IMMP2L: variants seen among roughly 807,000 people sequenced by gnomAD.
IMMP2L encodes the protein inner mitochondrial membrane peptidase subunit 2.
Under a neutral mutation model 19.3 loss-of-function variants are expected in IMMP2L, and 18 were observed. That is an observed-to-expected ratio of 0.93 (90% confidence interval 0.64 to 1.38). The LOEUF is 1.38. Ranked by LOEUF, IMMP2L falls within the 40% of genes most tolerant of loss-of-function variation. The pLI is 0.00. For synonymous variants in IMMP2L, 76 were observed against 73.0 expected (o/e 1.04, Z -0.21); for missense variants, 233 against 218.2 (o/e 1.07, Z -0.43).
In IMMP2L at chr7:111,271,753, G is replaced by T. The variant is rs963438085; in HGVS notation, c.239+215485C>A. 8.5e-5 allele frequency among the ~76,000 whole-genome samples: 13 copies of T among 152,054 alleles called. No homozygotes were observed. In the East Asian group the frequency reaches 2.1e-3, roughly 25 times the overall value. The stretch of plus-strand genomic sequence containing the variant: ...GCTTATCTATCCAATTGACCATCTG[G>T]ATATCTTGGAGAGTCCCTAAGTACA... On this transcript the variant is annotated intron_variant, in intron 3 of 5. Coordinates refer to ENST00000405709, the MANE Select transcript of IMMP2L (RefSeq NM_032549.4).
intron 3 of IMMP2L, among the ~76,000 whole-genome samples, chr7:111,474,358 A>C (rs1323224639): frequency 6.6e-6 from 1 of 152,086 alleles, no homozygotes; most frequent in African/African-American, 2.4e-5. Context: ...AGTCCACAAT[A>C]TGATAAAGTG....
intron 3 of IMMP2L, among the ~76,000 whole-genome samples, chr7:111,346,403 A>C (rs540340851): frequency 5.8e-4 from 88 of 152,282 alleles, no homozygotes; most frequent in African/African-American, 1.9e-3. Context: ...TGTTAGATCC[A>C]GAATCTGTTA....
intron 3 of IMMP2L, among the ~76,000 whole-genome samples, chr7:110,974,887 G>C (rs1820529382): frequency 6.6e-6 from 1 of 152,062 alleles, no homozygotes; most frequent in African/African-American, 2.4e-5. Context: ...CTTGTTTTGT[G>C]TTATACGTAG....
At chr7:111,251,105 TC>T (rs1816059023) in intron 3 of IMMP2L, among the ~76,000 whole-genome samples, 2 of 152,052 alleles carry the variant, frequency 1.3e-5, no homozygotes, top group Non-Finnish European at 2.9e-5. Context: ...AACAGACACT[TC>T]TCAAAAGAAG....
rs562343148 is a variant in IMMP2L, at chr7:111,337,239, C to A, written c.239+149999G>T. Among the ~76,000 whole-genome samples the A allele has an allele frequency of 3.3e-5, 5 of 151,832 alleles. No individual in the cohort carries two copies. In the East Asian group the frequency reaches 9.6e-4, roughly 29 times the overall value. ...GCAGAGAATTATAAAAAGTAATACA[C>A]TAAATAGTTTATTTTAACTTAGAAA... is the stretch of plus-strand genomic sequence containing the variant. On this transcript the variant is annotated intron_variant, in intron 3 of 5. Coordinates refer to ENST00000405709, the MANE Select transcript of IMMP2L (RefSeq NM_032549.4).
intron 3 of IMMP2L, among the ~76,000 whole-genome samples, chr7:111,231,920 C>T (rs1290767676): frequency 6.6e-6 from 1 of 151,856 alleles, no homozygotes; most frequent in Non-Finnish European, 1.5e-5. Flanking sequence ...TTTCAGTGCA[C>T]TATCTAGGAA....
chr7:111,553,989 G>A (rs762865809), intron 1 of IMMP2L, among the ~76,000 whole-genome samples: 17 of 152,128 alleles, frequency 1.1e-4, no homozygotes, highest in Non-Finnish European at 1.8e-4. Context: ...GATGGCCTTA[G>A]AGAAGTCTCA....
chr7:111,020,339 G>A lies in IMMP2L; in HGVS notation c.240-56774C>T, dbSNP rs533665294. On this transcript the variant is annotated intron_variant, in intron 3 of 5. Coordinates refer to ENST00000405709, the MANE Select transcript of IMMP2L (RefSeq NM_032549.4). The stretch of plus-strand genomic sequence containing the variant: ...GCGAAGGTTGCAGTGAGCTGAGATC[G>A]CACCATGGCACTCCAGCCTGAGTGA... 7.2e-5 allele frequency among the ~76,000 whole-genome samples: 11 copies of A among 152,178 alleles called. No individual in the cohort carries two copies. In the South Asian group the frequency reaches 2.3e-3, roughly 32 times the overall value.
At chr7:111,522,046 C>A (rs540588907) in intron 1 of IMMP2L, among the ~76,000 whole-genome samples, 165 of 152,096 alleles carry the variant, frequency 1.1e-3, no homozygotes, top group African/African-American at 3.8e-3. Flanking sequence ...GAGATAAAAG[C>A]TTCAAGTAAA....
chr7:111,550,290 AG>A (rs1849329118), intron 1 of IMMP2L, among the ~76,000 whole-genome samples: 1 of 152,170 alleles, frequency 6.6e-6, no homozygotes, highest in African/African-American at 2.4e-5. Flanking sequence ...AGAAGTTACC[AG>A]GGGTTAGGAG....
intron 5 of IMMP2L, among the ~76,000 whole-genome samples, chr7:110,775,865 C>T (rs1481392534): frequency 6.6e-6 from 1 of 151,662 alleles, no homozygotes; most frequent in Non-Finnish European, 1.5e-5. Context: ...GTTAGTATTC[C>T]ATGCCCACGC....
At chr7:111,038,948 G>A (rs113685926) in intron 3 of IMMP2L, among the ~76,000 whole-genome samples, 3 of 152,138 alleles carry the variant, frequency 2.0e-5, no homozygotes, top group Admixed American at 1.3e-4. Flanking sequence ...ATATAAATAA[G>A]GTGATAGAAA....
intron 3 of IMMP2L, among the ~76,000 whole-genome samples, chr7:111,170,280 C>A (rs1806286742): frequency 6.6e-6 from 1 of 151,760 alleles, no homozygotes; most frequent in Non-Finnish European, 1.5e-5. Context: ...ATCAAGGCAA[C>A]CTTCAAACCA....
chr7:111,490,602 T>G (rs1163107189), intron 2 of IMMP2L, among the ~76,000 whole-genome samples: 1 of 151,672 alleles, frequency 6.6e-6, no homozygotes, highest in Non-Finnish European at 1.5e-5. Context: ...GCACCAATCA[T>G]TATGTAACTC....
intron 1 of IMMP2L, among the ~76,000 whole-genome samples, chr7:111,559,741 T>C (rs1228127823): frequency 6.6e-6 from 1 of 152,088 alleles, no homozygotes; most frequent in Non-Finnish European, 1.5e-5. Flanking sequence ...AGTACTTCTA[T>C]GCCAGGCACT....
chr7:111,233,510 T>C (rs1321377502), intron 3 of IMMP2L, among the ~76,000 whole-genome samples: 1 of 152,058 alleles, frequency 6.6e-6, no homozygotes, highest in South Asian at 2.1e-4. Flanking sequence ...ATTAAATGAA[T>C]GAAAAAGATA....
chr7:110,889,194 G>T (rs1810532307), intron 4 of IMMP2L, among the ~76,000 whole-genome samples: 1 of 152,106 alleles, frequency 6.6e-6, no homozygotes. Context: ...CATGGACCAG[G>T]GTGGATGGGG....
At chr7:111,475,488 T>C (rs1841638143) in intron 3 of IMMP2L, among the ~76,000 whole-genome samples, 1 of 152,048 alleles carries the variant, frequency 6.6e-6, no homozygotes, top group Admixed American at 6.6e-5. Flanking sequence ...TTAAGTTTAG[T>C]TTAGAGATTT....
At chr7:111,227,395 G>A (rs1242008937) in intron 3 of IMMP2L, among the ~76,000 whole-genome samples, 3 of 152,088 alleles carry the variant, frequency 2.0e-5, no homozygotes, top group African/African-American at 7.2e-5. Flanking sequence ...AGGAAAGATG[G>A]AAGTAGAATA....
Sources: gnomAD v4.1 joint callset for allele counts (sites outside exome capture counted in the v4.1 genomes callset) on GRCh38, gnomAD v4.1.1 for gene constraint, MANE v1.5 for transcripts, NCBI Gene and HGNC (gene_info 2026-07-23, HGNC 2026-07-21) for gene names.